The following CTNNA2 variants were observed in gnomAD, a reference collection of about 807,000 sequenced individuals.
CTNNA2 encodes catenin alpha 2.
Under a neutral mutation model 101.0 loss-of-function variants are expected in CTNNA2, and 42 were observed. That is an observed-to-expected ratio of 0.42 (90% CI 0.32 to 0.54). The LOEUF is 0.54. CTNNA2 is among the 20% of genes least tolerant of loss of function. The probability of loss-of-function intolerance (pLI) is 0.14; values close to 1 mark genes in which losing one functional copy is unlikely to be tolerated. For missense variants in CTNNA2, 871 were observed against 1,223.1 expected (o/e 0.71, Z 4.29); for synonymous variants, 450 against 456.4 (o/e 0.99, Z 0.18).
At chr2:80,503,683 A>G (rs1258804914) in intron 9 of CTNNA2, among the ~76,000 whole-genome samples, 2 of 152,084 alleles carry the variant, frequency 1.3e-5, no homozygotes, top group Non-Finnish European at 1.5e-5. Flanking sequence ...CCTGCACCCG[A>G]TCATGTGTTT....
intron 2 of CTNNA2, among the ~76,000 whole-genome samples, chr2:79,742,728 C>G (rs141567573): frequency 2.6e-5 from 4 of 152,134 alleles, no homozygotes; most frequent in Non-Finnish European, 5.9e-5. Flanking sequence ...AGCTAAACCA[C>G]TATTATCTGA....
At chr2:80,077,586 TA>T (rs11330479) in intron 7 of CTNNA2, among the ~76,000 whole-genome samples, 53,734 of 139,844 alleles carry the variant, frequency 0.38, 12,027 homozygotes, top group African/African-American at 0.61. Context: ...CTGTCTCTAT[TA>T]AAAAAAAAAA....
upstream of CTNNA2, chr2:79,512,861 C>T (rs1220883121): frequency 6.6e-6 from 1 of 151,436 alleles, no homozygotes; most frequent in African/African-American, 2.4e-5. Flanking sequence ...CCTTTCCAGG[C>T]GCCGCGGAGC....
chr2:80,396,878 T>C (rs943164034), intron 8 of CTNNA2, among the ~76,000 whole-genome samples: 1 of 152,184 alleles, frequency 6.6e-6, no homozygotes, highest in African/African-American at 2.4e-5. Flanking sequence ...TGAGATTTAG[T>C]GAGTGTCAAC....
At chr2:79,365,282 T>TA (rs34016381) in intron 3 of CTNNA2, among the ~76,000 whole-genome samples, 59 of 148,686 alleles carry the variant, frequency 4.0e-4, no homozygotes, top group East Asian at 1.6e-3. Flanking sequence ...ATCTCAAAAA[T>TA]AAAAAAAAAA....
chr2:79,965,196 G>A (rs955077145), intron 7 of CTNNA2, among the ~76,000 whole-genome samples: 3 of 152,242 alleles, frequency 2.0e-5, no homozygotes, highest in South Asian at 4.1e-4. Flanking sequence ...GAGGGCACCC[G>A]CTAAAAGAGA....
intron 2 of CTNNA2, among the ~76,000 whole-genome samples, chr2:79,308,407 G>C (rs1242660161): frequency 1.3e-5 from 2 of 152,052 alleles, no homozygotes; most frequent in African/African-American, 4.8e-5. Context: ...TGAGCTTCTT[G>C]TATATTCTGG....
At chr2:79,954,542 T>C (rs920878315) in intron 7 of CTNNA2, among the ~76,000 whole-genome samples, 5 of 152,184 alleles carry the variant, frequency 3.3e-5, no homozygotes, top group Admixed American at 6.5e-5. Flanking sequence ...TTACGTATAA[T>C]TTTTGGCTGC....
chr2:79,895,691 AATTTTTT>A (rs1209832189), intron 6 of CTNNA2, among the ~76,000 whole-genome samples: 1 of 107,764 alleles, frequency 9.3e-6, no homozygotes, highest in Non-Finnish European at 1.8e-5. Context: ...GAAATTTCTT[AATTTTTT>A]TTTTTTTTTT....
At chr2:79,856,066 T>C (rs1335284223) in intron 3 of CTNNA2, among the ~76,000 whole-genome samples, 1 of 152,186 alleles carries the variant, frequency 6.6e-6, no homozygotes, top group African/African-American at 2.4e-5. Context: ...ATCTTGAAAA[T>C]TCATCATTGT....
chr2:79,540,663 T>C (rs926506374), intron 1 of CTNNA2, among the ~76,000 whole-genome samples: 1 of 152,248 alleles, frequency 6.6e-6, no homozygotes, highest in African/African-American at 2.4e-5. Flanking sequence ...GTCATAGTTA[T>C]GTATTTATAA....
At chr2:80,561,931 C>T (rs1353783670) in intron 12 of CTNNA2, among the ~76,000 whole-genome samples, 1 of 151,282 alleles carries the variant, frequency 6.6e-6, no homozygotes, top group African/African-American at 2.4e-5. Flanking sequence ...CTACCTCGGC[C>T]TCTCAAAGTG....
chr2:80,084,256 T>A (rs1016103344), intron 7 of CTNNA2, among the ~76,000 whole-genome samples: 6 of 152,176 alleles, frequency 3.9e-5, no homozygotes, highest in African/African-American at 1.4e-4. Context: ...GAAGGCACTC[T>A]AGTAATCATC....
intron 1 of CTNNA2, among the ~76,000 whole-genome samples, chr2:79,545,512 G>A (rs1339242265): frequency 6.6e-6 from 1 of 152,200 alleles, no homozygotes; most frequent in Non-Finnish European, 1.5e-5. Flanking sequence ...GTTGGCTTTT[G>A]TTATAGCAGG....
At chr2:80,183,787 TG>T (rs1427547549) in intron 7 of CTNNA2, among the ~76,000 whole-genome samples, 1 of 152,228 alleles carries the variant, frequency 6.6e-6, no homozygotes, top group Non-Finnish European at 1.5e-5. Context: ...TTTAATTTTT[TG>T]CTTCACTTAA....
At chr2:79,896,624 C>G (rs1329799745) in intron 6 of CTNNA2, among the ~76,000 whole-genome samples, 2 of 152,182 alleles carry the variant, frequency 1.3e-5, no homozygotes, top group Non-Finnish European at 2.9e-5. Flanking sequence ...GGAAAGCATC[C>G]TAACTGGTGA....
At chr2:79,864,907 C>G (rs1897774) in intron 4 of CTNNA2, among the ~76,000 whole-genome samples, 37,587 of 151,980 alleles carry the variant, frequency 0.25, 5,176 homozygotes, top group East Asian at 0.58. Flanking sequence ...AATAAGAAAA[C>G]CATCAAATTC....
chr2:79,280,623 CTGTGTGTG>C lies in CTNNA2; in HGVS notation c.-405-32060_-405-32053del, dbSNP rs369268407. ...AGTTGCCCAGCATTCATCCTGTATG[CTGTGTGTG>C]TGTGTGTGTGTGTGTGTGTGTGTGT... On this transcript the variant is annotated intron_variant, in intron 2 of 21. Transcript: ENST00000466387. 1.7e-4 allele frequency among the ~76,000 whole-genome samples: 22 copies of C among 129,196 alleles called. No homozygotes were observed. In the East Asian group the frequency reaches 2.9e-3, roughly 17 times the overall value. The allele number at this position is 129,196 out of a possible 152,430, so 84.8% of individuals were successfully genotyped here.
At chr2:79,621,060 A>G (rs1274144305) in intron 1 of CTNNA2, among the ~76,000 whole-genome samples, 1 of 152,136 alleles carries the variant, frequency 6.6e-6, no homozygotes, top group Non-Finnish European at 1.5e-5. Flanking sequence ...GGTGACCCTC[A>G]TTGACTGCAT....
Sources: gnomAD v4.1 joint callset for allele counts (sites outside exome capture counted in the v4.1 genomes callset) on GRCh38, gnomAD v4.1.1 for gene constraint, MANE v1.5 for transcripts, NCBI Gene and HGNC (gene_info 2026-07-23, HGNC 2026-07-21) for gene names.